The following INPP5A variants were observed in gnomAD, a reference collection of about 807,000 sequenced individuals.
INPP5A encodes 43 kDa inositol polyphosphate 5-phophatase.
A neutral mutation model predicts 65.2 loss-of-function variants in INPP5A; 14 were observed. The observed-to-expected ratio is 0.21, with a 90% CI of 0.14 to 0.34. The LOEUF is 0.34. INPP5A is among the 10% of genes least tolerant of loss of function. INPP5A has a pLI of 1.00. For missense variants in INPP5A, 431 were observed against 545.6 expected, an observed-to-expected ratio of 0.79 and a Z score of 2.09; for synonymous variants, 207 against 208.3, an observed-to-expected ratio of 0.99 and a Z score of 0.05.
rs192235992 is a variant in INPP5A, at chr10:132,676,760, C to T, written c.307-13632C>T. On this transcript the variant is annotated intron_variant, in intron 4 of 15. Transcript: ENST00000368594. This position sits in a 1 kb window ranked among gnomAD's most constrained non-coding sequence, Gnocchi z 4.0. Reference sequence around the variant, plus strand: ...CCTGACCGGCCCCTCCTGTTTCCCCCGTGGCTCCTTGCCCCACTGACTGCT... The same window carrying T: ...CCTGACCGGCCCCTCCTGTTTCCCCTGTGGCTCCTTGCCCCACTGACTGCT... Among the ~76,000 whole-genome samples, 168 of 152,300 alleles carry T rather than the reference C, an allele frequency of 1.1e-3. No individual in the cohort carries two copies. The highest frequency in any genetic ancestry group is 3.8e-3 in the African/African-American group (156 of 41,552).
At chr10:132,595,207 C>A in intron 1 of INPP5A, among the ~76,000 whole-genome samples, 1 of 152,216 alleles carries the variant, frequency 6.6e-6, no homozygotes, top group East Asian at 1.9e-4. Context: ...CCAGCTGTGC[C>A]TTTGCATTGG....
chr10:132,749,903 C>A, intron 11 of INPP5A, 58 bp downstream of exon 11: 3 of 1,432,314 alleles, frequency 2.1e-6, no homozygotes, highest in South Asian at 1.1e-5. Flanking sequence ...CGCCCCCAGG[C>A]CTTCCCATTA....
rs953979545 is a variant in INPP5A, at chr10:132,659,149, C to T, written c.306+8644C>T. On this transcript the variant is annotated intron_variant, in intron 4 of 15. Coordinates refer to ENST00000368594, the MANE Select transcript of INPP5A (RefSeq NM_005539.5). This position sits in a 1 kb window ranked among gnomAD's most constrained non-coding sequence, Gnocchi z 5.5. ...CCCACGCCAGTGTTCTCCAAACTTC[C>T]GGGGAGACCTGTCTGTGCTCCTGTA... 6.6e-6 allele frequency among the ~76,000 whole-genome samples: 1 copy of T among 152,176 alleles called. No individual in the cohort carries two copies. Among genetic ancestry groups the T allele is most frequent in the Non-Finnish European group, 1.5e-5 (1 of 68,038 alleles).
At chr10:132,638,263 C>T (rs1482010436) in intron 2 of INPP5A, among the ~76,000 whole-genome samples, 7 of 152,208 alleles carry the variant, frequency 4.6e-5, no homozygotes. Context: ...GGCTGGGCCT[C>T]CCACTTTCCA....
rs1590981634 is a variant in INPP5A at position 132,749,861 on chromosome 10, A to G, written c.903+16A>G. 1 of 1,610,282 alleles carries G rather than the reference A, an allele frequency of 6.2e-7. No individual in the cohort carries two copies. The highest frequency in any genetic ancestry group is 8.5e-7 in the Non-Finnish European group (1 of 1,177,438). On this transcript the variant is annotated intron_variant, in intron 11 of 15. Coordinates refer to ENST00000368594, the MANE Select transcript of INPP5A (RefSeq NM_005539.5). ...CGGCACCGCGGTGAGTTTGTGGTCCAATGTGGCAGCTCCCCCGTCCTGGGA... is the reference window on the plus strand; with the variant it reads ...CGGCACCGCGGTGAGTTTGTGGTCCGATGTGGCAGCTCCCCCGTCCTGGGA...
chr10:132,649,637 A>G (rs1347149952), intron 3 of INPP5A, among the ~76,000 whole-genome samples: 1 of 151,866 alleles, frequency 6.6e-6, no homozygotes, highest in Non-Finnish European at 1.5e-5. Context: ...TGACACATGG[A>G]CTGGCTGGAT....
intron 1 of INPP5A, among the ~76,000 whole-genome samples, chr10:132,573,173 C>A (rs12770478): frequency 0.017 from 1,002 of 60,712 alleles, 9 homozygotes; most frequent in Middle Eastern, 0.056. Flanking sequence ...GGTTTTGTTG[C>A]GATGTTGGGG....
intron 2 of INPP5A, among the ~76,000 whole-genome samples, chr10:132,614,192 A>C (rs186836601): frequency 1.1e-3 from 165 of 152,296 alleles, no homozygotes; most frequent in African/African-American, 3.9e-3. Context: ...CCTGGACGGC[A>C]CGATGGCTCA....
At chr10:132,619,142 C>G (rs1016283227) in intron 2 of INPP5A, among the ~76,000 whole-genome samples, 8 of 152,204 alleles carry the variant, frequency 5.3e-5, no homozygotes, top group Admixed American at 5.2e-4. Context: ...CAAGGCATGT[C>G]CTTTCCACCT....
chr10:132,720,611 G>T (rs967110851), intron 8 of INPP5A, among the ~76,000 whole-genome samples: 2 of 150,390 alleles, frequency 1.3e-5, no homozygotes, highest in Non-Finnish European at 3.0e-5. Flanking sequence ...CTGTCTTCAG[G>T]GTTCTGTGGT....
At chr10:132,683,162 T>C (rs897384446) in intron 4 of INPP5A, among the ~76,000 whole-genome samples, 14 of 145,708 alleles carry the variant, frequency 9.6e-5, no homozygotes, top group Non-Finnish European at 1.9e-4. Context: ...TTGTATTATA[T>C]ACATATGTAT....
chr10:132,667,781 G>A (rs1000355458), intron 4 of INPP5A, among the ~76,000 whole-genome samples: 2 of 152,176 alleles, frequency 1.3e-5, no homozygotes, highest in African/African-American at 4.8e-5. Context: ...GGCCGTGTGC[G>A]CTGCCCGGCG....
chr10:132,608,381 G>A (rs922354610), intron 2 of INPP5A, among the ~76,000 whole-genome samples: 3 of 152,226 alleles, frequency 2.0e-5, no homozygotes, highest in Admixed American at 6.5e-5. Context: ...GGAGGCGACC[G>A]GTTGGAGGGT....
At chr10:132,642,465 T>A (rs1271051422) in intron 2 of INPP5A, among the ~76,000 whole-genome samples, 1 of 152,220 alleles carries the variant, frequency 6.6e-6, no homozygotes, top group African/African-American at 2.4e-5. Flanking sequence ...ACCGCCTTAC[T>A]CCTGCCGTGA....
intron 9 of INPP5A, among the ~76,000 whole-genome samples, chr10:132,731,181 T>A (rs1846078051): frequency 6.6e-6 from 1 of 152,150 alleles, no homozygotes. Flanking sequence ...CAGGCCTGGG[T>A]TCCCCCCGGT....
chr10:132,681,952 G>A (rs2073052282), intron 4 of INPP5A, among the ~76,000 whole-genome samples: 1 of 152,224 alleles, frequency 6.6e-6, no homozygotes, highest in Admixed American at 6.5e-5. Flanking sequence ...CACGAACATG[G>A]TATGATTCCA....
chr10:132,611,429 TC>T (rs2071948299), intron 2 of INPP5A, among the ~76,000 whole-genome samples: 1 of 80,284 alleles, frequency 1.2e-5, no homozygotes, highest in Admixed American at 1.3e-4. Flanking sequence ...GGTGAGGAGT[TC>T]ATGGGAGAGG....
chr10:132,610,065 C>T (rs546278735), intron 2 of INPP5A, among the ~76,000 whole-genome samples: 4 of 152,340 alleles, frequency 2.6e-5, no homozygotes, highest in East Asian at 3.9e-4. Flanking sequence ...GGGCCTGACC[C>T]GCAGTTCCTG....
chr10:132,648,070 G>A (rs920784089), intron 3 of INPP5A, among the ~76,000 whole-genome samples: 15 of 152,308 alleles, frequency 9.8e-5, no homozygotes, highest in African/African-American at 3.6e-4. Context: ...CAGCCACTTC[G>A]GGAAAAGATA....
Sources: gnomAD v4.1 joint callset for allele counts (sites outside exome capture counted in the v4.1 genomes callset) on GRCh38, gnomAD v4.1.1 for gene constraint, Gnocchi (gnomAD v3.1) non-coding constraint, MANE v1.5 for transcripts, NCBI Gene and HGNC (gene_info 2026-07-23, HGNC 2026-07-21) for gene names.